ANK2: variants seen among roughly 807,000 people sequenced by gnomAD.
ANK2 encodes the protein ankyrin 2.
In ANK2, 83 loss-of-function variants were observed where a neutral mutation model predicts 360.5. The observed-to-expected ratio is 0.23, with a 90% CI of 0.19 to 0.28. ANK2 has a LOEUF of 0.28. Ranked by LOEUF, ANK2 falls within the 10% of genes least tolerant of loss-of-function variation. ANK2 has a pLI of 1.00. For synonymous variants in ANK2, 1,740 were observed against 1,759.5 expected, an observed-to-expected ratio of 0.99 and a Z score of 0.28; for missense variants, 4,201 against 4,795.7, an observed-to-expected ratio of 0.88 and a Z score of 3.66.
rs772876832 is a variant in ANK2 at position 113,196,430 on chromosome 4, G to T, written c.249G>T (p.Leu83=). The T allele has an allele frequency of 1.2e-6, 2 of 1,613,466 alleles. No homozygotes were observed. The highest frequency in any genetic ancestry group is 1.7e-6 in the Non-Finnish European group (2 of 1,179,862). Residue 83 remains leucine (L), a synonymous_variant, in exon 3 of 46, where the codon CTG becomes CTT. Transcript: ENST00000357077. ...GCCACGTGGGGCTGGTGCAGGAGCT[G>T]CTGGGAAGAGGGTCCTCTGTGGATT... ...KEGHVGLVQE[L]LGRGSSVDSA...
intron 1 of ANK2, among the ~76,000 whole-genome samples, chr4:112,863,514 C>CTTTTTTTT (rs952398354): frequency 1.9e-5 from 2 of 106,988 alleles, no homozygotes; most frequent in African/African-American, 3.6e-5. Context: ...TTTAGAGTAT[C>CTTTTTTTT]TTTTTTTTTT....
At chr4:113,085,100 G>A (rs550449829) in intron 1 of ANK2, among the ~76,000 whole-genome samples, 30 of 152,196 alleles carry the variant, frequency 2.0e-4, no homozygotes, top group African/African-American at 6.5e-4. Context: ...CACTAGAAAC[G>A]GCCATTCGTG....
chr4:113,219,320 A>G (rs928475024), intron 4 of ANK2, among the ~76,000 whole-genome samples: 1 of 152,210 alleles, frequency 6.6e-6, no homozygotes, highest in Admixed American at 6.5e-5. Context: ...CATTTTCATT[A>G]CTTTTATAAC....
intron 1 of ANK2, among the ~76,000 whole-genome samples, chr4:113,140,892 C>G (rs192961019): frequency 1.3e-5 from 2 of 151,940 alleles, no homozygotes; most frequent in Non-Finnish European, 2.9e-5. Flanking sequence ...GCAGGAGAAT[C>G]ACTTGAACCC....
the ANK2 span, among the ~76,000 whole-genome samples, chr4:112,747,263 G>T: frequency 6.6e-6 from 1 of 152,174 alleles, no homozygotes. Context: ...TTAAGTCCAG[G>T]CCAGTGAGTG....
At chr4:113,202,769 T>A (rs1420539309) in intron 4 of ANK2, among the ~76,000 whole-genome samples, 1 of 152,260 alleles carries the variant, frequency 6.6e-6, no homozygotes, top group African/African-American at 2.4e-5. Context: ...TACCGCCACA[T>A]GATACAGTAC....
intron 1 of ANK2, chr4:113,141,331 A>G (rs935413450): frequency 1.3e-5 from 2 of 152,176 alleles, no homozygotes; most frequent in African/African-American, 4.8e-5. Flanking sequence ...CAGCCCAGAG[A>G]GTGAGAAACC....
chr4:113,169,631 C>A (rs2097872282), intron 1 of ANK2, among the ~76,000 whole-genome samples: 1 of 152,086 alleles, frequency 6.6e-6, no homozygotes, highest in Non-Finnish European at 1.5e-5. Context: ...TCTTTTAAGG[C>A]TAGTAGGGAC....
At chr4:113,349,071 A>G (rs1247116777) in intron 36 of ANK2, among the ~76,000 whole-genome samples, 1 of 152,174 alleles carries the variant, frequency 6.6e-6, no homozygotes, top group Non-Finnish European at 1.5e-5. Context: ...CACACGCCTC[A>G]TCAATGTCGA....
chr4:113,039,524 G>A (rs2062424390), intron 2 of ANK2, among the ~76,000 whole-genome samples: 2 of 147,376 alleles, frequency 1.4e-5, no homozygotes, highest in South Asian at 2.2e-4. Context: ...CATAGATAAT[G>A]ATTTACATAT....
At chr4:113,160,731 A>G (rs914272795) in intron 1 of ANK2, among the ~76,000 whole-genome samples, 2 of 152,210 alleles carry the variant, frequency 1.3e-5, no homozygotes, top group African/African-American at 4.8e-5. Flanking sequence ...CCAACTGGGG[A>G]TATAGACACG....
Position 112,973,845 on chromosome 4 carries a change from A to G in ANK2, c.21+69331A>G, listed in dbSNP as rs184979507. Among the ~76,000 whole-genome samples, 418 of 152,332 alleles carry G rather than the reference A, an allele frequency of 2.7e-3. 2 individuals carry two copies. The highest frequency in any genetic ancestry group is 9.8e-3 in the African/African-American group (407 of 41,582). ...ACTGCATTGTTGTTAGGGGTTAGCC[A>G]CAGTCCATCTGACTGGATAGATGGC... On this transcript the variant is annotated intron_variant, in intron 2 of 30. Transcript: ENST00000503271.
intron 1 of ANK2, among the ~76,000 whole-genome samples, chr4:113,078,133 T>C (rs2080884069): frequency 6.6e-6 from 1 of 152,238 alleles, no homozygotes; most frequent in Non-Finnish European, 1.5e-5. Context: ...TCCCATTTTT[T>C]ATGTGGTTGC....
intron 1 of ANK2, among the ~76,000 whole-genome samples, chr4:112,874,456 C>A (rs2074329205): frequency 6.6e-6 from 1 of 151,144 alleles, no homozygotes; most frequent in African/African-American, 2.4e-5. Context: ...GCCTGACCAA[C>A]ATGGTGAAAC....
the ANK2 span, among the ~76,000 whole-genome samples, chr4:112,810,140 TATATATATATATATATATA>T: frequency 4.6e-5 from 1 of 21,544 alleles, no homozygotes; most frequent in Admixed American, 6.5e-4. Flanking sequence ...TATATATATA[TATATATATATATATATATA>T]TTTTTTTTTT....
chr4:113,092,739 G>T (rs1562000501), intron 1 of ANK2, among the ~76,000 whole-genome samples: 1 of 152,140 alleles, frequency 6.6e-6, no homozygotes, highest in East Asian at 1.9e-4. Flanking sequence ...AGGATTAAAT[G>T]AGGTAATGAG....
At chr4:113,001,204 G>A (rs1578734618) in intron 2 of ANK2, among the ~76,000 whole-genome samples, 2 of 151,998 alleles carry the variant, frequency 1.3e-5, no homozygotes, top group East Asian at 3.9e-4. Flanking sequence ...GTTGGCAGGT[G>A]CCTGTAATCC....
chr4:113,168,157 C>T lies in ANK2; in HGVS notation c.85-6259C>T, dbSNP rs2097817671. On this transcript the variant is annotated intron_variant, in intron 1 of 45. Coordinates refer to ENST00000357077, the MANE Select transcript of ANK2 (RefSeq NM_001148.6). Reference sequence around the variant, plus strand: ...TGATATAATTTAGCTAGTGTGCTAGCAAAAATTAGTGTTAAAATGTAATAC... The same window carrying T: ...TGATATAATTTAGCTAGTGTGCTAGTAAAAATTAGTGTTAAAATGTAATAC... Among the ~76,000 whole-genome samples the T allele has an allele frequency of 7.2e-5, 11 of 151,952 alleles. No individual in the cohort carries two copies. In the South Asian group the frequency reaches 2.3e-3, roughly 31 times the overall value.
chr4:112,812,986 TC>T, the ANK2 span, among the ~76,000 whole-genome samples: 2 of 152,144 alleles, frequency 1.3e-5, no homozygotes, highest in Non-Finnish European at 2.9e-5. Context: ...ATACCTGTAA[TC>T]TCAGCACTTT....
Sources: allele counts gnomAD v4.1 joint callset (sites outside exome capture counted in the v4.1 genomes callset), GRCh38; gene constraint gnomAD v4.1.1; transcripts MANE v1.5; gene names NCBI Gene and HGNC (gene_info 2026-07-23, HGNC 2026-07-21).